The following KCNIP4 variants were observed in gnomAD, a reference collection of about 807,000 sequenced individuals.
KCNIP4 encodes Kv channel-interacting protein 4.
A neutral mutation model predicts 34.0 loss-of-function variants in KCNIP4; 12 were observed. That is an observed-to-expected ratio of 0.35 (90% CI 0.23 to 0.57). The LOEUF (loss-of-function observed/expected upper bound fraction) is 0.57. Among genes scored for constraint, KCNIP4 ranks in the 20% least tolerant of loss-of-function variants. The probability of loss-of-function intolerance (pLI) is 0.83; values close to 1 mark genes in which losing one functional copy is unlikely to be tolerated. For missense variants in KCNIP4, 238 were observed against 311.7 expected, an observed-to-expected ratio of 0.76 and a Z score of 1.78; for synonymous variants, 124 against 102.2, an observed-to-expected ratio of 1.21 and a Z score of -1.29.
At chr4:20,883,479 T>G (rs566811133) in intron 1 of KCNIP4, among the ~76,000 whole-genome samples, 3 of 152,250 alleles carry the variant, frequency 2.0e-5, no homozygotes, top group African/African-American at 7.2e-5. Flanking sequence ...TGCAAACTGC[T>G]GAAACAACTT....
chr4:21,085,317 C>G (rs994060856), intron 1 of KCNIP4, among the ~76,000 whole-genome samples: 1 of 152,098 alleles, frequency 6.6e-6, no homozygotes, highest in African/African-American at 2.4e-5. Flanking sequence ...TATTGGCACC[C>G]CGATCTCACA....
intron 2 of KCNIP4, among the ~76,000 whole-genome samples, chr4:20,854,465 T>C (rs949507429): frequency 2.6e-5 from 4 of 152,118 alleles, no homozygotes; most frequent in Admixed American, 6.6e-5. Context: ...ATAAGAATGA[T>C]ACAATGGACT....
rs116306522 is a variant in KCNIP4 at position 21,606,972 on chromosome 4, G to A, written c.61+341599C>T. Among the ~76,000 whole-genome samples the A allele has an allele frequency of 4.3e-3, 646 of 151,842 alleles. 1 individual carries two copies. Among genetic ancestry groups the A allele is most frequent in the Middle Eastern group, 0.01 (3 of 288 alleles). ...CCTTAGGACCCTTGTGATTTCATGGGTTCCTCACATATAACTCAGGAAAAT... is the reference window on the plus strand; with the variant it reads ...CCTTAGGACCCTTGTGATTTCATGGATTCCTCACATATAACTCAGGAAAAT... On this transcript the variant is annotated intron_variant, in intron 1 of 8. Coordinates refer to ENST00000382152, the MANE Select transcript of KCNIP4 (RefSeq NM_025221.6).
intron 1 of KCNIP4, among the ~76,000 whole-genome samples, chr4:21,080,049 G>T (rs1745865251): frequency 6.6e-6 from 1 of 151,848 alleles, no homozygotes; most frequent in South Asian, 2.1e-4. Flanking sequence ...CACGAGGTTT[G>T]TGGCAATTTG....
At chr4:21,489,956 C>A (rs1183041570) in intron 1 of KCNIP4, among the ~76,000 whole-genome samples, 2 of 152,044 alleles carry the variant, frequency 1.3e-5, no homozygotes, top group African/African-American at 4.8e-5. Flanking sequence ...AATTTCTTGG[C>A]CAACTACAAT....
chr4:21,673,728 G>A (rs1749672296), intron 1 of KCNIP4, among the ~76,000 whole-genome samples: 1 of 152,156 alleles, frequency 6.6e-6, no homozygotes, highest in Non-Finnish European at 1.5e-5. Flanking sequence ...CTAGCTAGTG[G>A]TGGTGGGTAA....
intron 2 of KCNIP4, among the ~76,000 whole-genome samples, chr4:20,862,924 C>A (rs1722364190): frequency 6.6e-6 from 1 of 152,040 alleles, no homozygotes; most frequent in Non-Finnish European, 1.5e-5. Context: ...AATATAAGAA[C>A]ACATGGATAC....
At chr4:21,566,981 C>T (rs1041441715) in intron 1 of KCNIP4, among the ~76,000 whole-genome samples, 1 of 152,134 alleles carries the variant, frequency 6.6e-6, no homozygotes, top group Non-Finnish European at 1.5e-5. Context: ...AACTGCCAGG[C>T]TCACCAACAA....
At chr4:21,019,467 A>G (rs1418240043) in intron 1 of KCNIP4, among the ~76,000 whole-genome samples, 1 of 152,136 alleles carries the variant, frequency 6.6e-6, no homozygotes, top group African/African-American at 2.4e-5. Context: ...CAATAACCTC[A>G]TATTAACGGA....
Position 21,152,904 on chromosome 4 carries a change from C to G in KCNIP4, c.62-270195G>C, listed in dbSNP as rs1226986667. 3.9e-5 allele frequency among the ~76,000 whole-genome samples: 6 copies of G among 152,274 alleles called. No individual in the cohort carries two copies. In the South Asian group the frequency reaches 6.2e-4, roughly 16 times the overall value. ...TCCTCTCGAAACAATCCCCACCCCC[C>G]AACCCTGTCTGTGGAAAAATTGTCT... is the stretch of plus-strand genomic sequence containing the variant. On this transcript the variant is annotated intron_variant, in intron 1 of 8. Transcript: ENST00000382152.
At chr4:21,784,040 A>G (rs1476907142) in intron 1 of KCNIP4, among the ~76,000 whole-genome samples, 1 of 151,888 alleles carries the variant, frequency 6.6e-6, no homozygotes, top group Non-Finnish European at 1.5e-5. Flanking sequence ...AAAGACGTTT[A>G]ATTGACTCAC....
chr4:21,448,051 C>G (rs1728183026), intron 1 of KCNIP4, among the ~76,000 whole-genome samples: 1 of 152,082 alleles, frequency 6.6e-6, no homozygotes, highest in African/African-American at 2.4e-5. Flanking sequence ...TATTTTGATA[C>G]TGCTTTGGGA....
intron 3 of KCNIP4, among the ~76,000 whole-genome samples, chr4:20,776,340 C>T (rs1756366281): frequency 6.6e-6 from 1 of 151,974 alleles, no homozygotes; most frequent in Non-Finnish European, 1.5e-5. Context: ...CAGTTGTTAA[C>T]CTTAATGCAT....
chr4:21,021,881 T>C (rs1433707355), intron 1 of KCNIP4, among the ~76,000 whole-genome samples: 1 of 151,730 alleles, frequency 6.6e-6, no homozygotes, highest in South Asian at 2.1e-4. Context: ...TATAGTATAG[T>C]ATAGTATAGT....
chr4:20,827,533 A>G (rs1235936347), intron 3 of KCNIP4, among the ~76,000 whole-genome samples: 1 of 152,194 alleles, frequency 6.6e-6, no homozygotes, highest in East Asian at 1.9e-4. Context: ...ACATGGTTAC[A>G]GTCTGAGGTA....
At chr4:21,484,520 C>T (rs1314912789) in intron 1 of KCNIP4, among the ~76,000 whole-genome samples, 6 of 152,140 alleles carry the variant, frequency 3.9e-5, no homozygotes, top group Admixed American at 1.3e-4. Context: ...AAATAATATG[C>T]AGAAGTGTCA....
intron 1 of KCNIP4, among the ~76,000 whole-genome samples, chr4:21,042,134 T>A (rs1443923117): frequency 6.6e-6 from 1 of 152,042 alleles, no homozygotes; most frequent in African/African-American, 2.4e-5. Flanking sequence ...GCCTTAAGGG[T>A]GTTGGGCATT....
At chr4:21,920,715 A>C (rs891673670) in intron 1 of KCNIP4, among the ~76,000 whole-genome samples, 2 of 152,174 alleles carry the variant, frequency 1.3e-5, no homozygotes, top group African/African-American at 4.8e-5. Context: ...TTGAGCATCC[A>C]TGGATTTTGG....
chr4:21,124,775 T>C (rs1750468636), intron 1 of KCNIP4, among the ~76,000 whole-genome samples: 2 of 152,120 alleles, frequency 1.3e-5, no homozygotes, highest in South Asian at 4.1e-4. Flanking sequence ...TGACAACAGA[T>C]ACCTGACCCC....
Sources: allele counts gnomAD v4.1 joint callset (sites outside exome capture counted in the v4.1 genomes callset), GRCh38; gene constraint gnomAD v4.1.1; transcripts MANE v1.5; gene names NCBI Gene and HGNC (gene_info 2026-07-23, HGNC 2026-07-21).